ARHGAP45: variants seen among roughly 807,000 people sequenced by gnomAD.
The protein encoded by ARHGAP45 is Rho GTPase activating protein 45.
In ARHGAP45, 56 loss-of-function variants were observed where a neutral mutation model predicts 116.1. The ratio of observed to expected loss-of-function variants is 0.48; its 90% confidence interval spans 0.39 to 0.60. The LOEUF is 0.60. ARHGAP45 is among the 20% of genes least tolerant of loss of function. ARHGAP45 has a pLI of 0.00. For synonymous variants in ARHGAP45, 866 were observed against 701.7 expected, an observed-to-expected ratio of 1.23 and a Z score of -3.70; for missense variants, 1,622 against 1,601.0, an observed-to-expected ratio of 1.01 and a Z score of -0.22.
upstream of ARHGAP45, chr19:1,066,268 T>C: frequency 1.4e-6 from 1 of 701,890 alleles, no homozygotes; most frequent in Non-Finnish European, 2.1e-6. Context: ...GGGGAGAGAG[T>C]TCACACTGCG....
chr19:1,082,035 C>T, intron 19 of ARHGAP45, 74 bp downstream of exon 19: 1 of 1,461,666 alleles, frequency 6.8e-7, no homozygotes, highest in Admixed American at 1.9e-5. Context: ...GGGTGGGGGT[C>T]CGGGAGCTGG....
At chr19:1,079,564 C>T in intron 11 of ARHGAP45, 139 bp from the exon 12 acceptor site, 2 of 1,042,506 alleles carry the variant, frequency 1.9e-6, no homozygotes, top group Non-Finnish European at 2.8e-6. Context: ...GTCTCGAACT[C>T]CTGGCCTCAA....
chr19:1,082,655 C>T, intron 19 of ARHGAP45, 185 bp from the exon 20 acceptor site: 3 of 565,820 alleles, frequency 5.3e-6, no homozygotes, highest in East Asian at 6.3e-5. Flanking sequence ...GGGCGTGGCC[C>T]GGGTAGGAGG....
intron 10 of ARHGAP45, among the ~76,000 whole-genome samples, chr19:1,075,506 A>C (rs2043228779): frequency 6.6e-6 from 1 of 151,760 alleles, no homozygotes; most frequent in Non-Finnish European, 1.5e-5. Context: ...CGGCCTCCCA[A>C]AGTGCTGAGA....
rs1471520386 is a variant in ARHGAP45, at chr19:1,079,938, C to T, written c.1523C>T (p.Ser508Phe). The T allele has an allele frequency of 1.2e-6, 2 of 1,610,960 alleles. No homozygotes were observed. The highest frequency in any genetic ancestry group is 1.1e-5 in the South Asian group (1 of 91,044). Residue 508 changes from serine (S) to phenylalanine (F), a missense_variant, in exon 13 of 23, where the codon TCC becomes TTC. This residue lies in a region of ARHGAP45 where 1,334 missense variants were observed against 1,263.8 expected (regional missense o/e 1.06). Transcript: ENST00000313093. ...CGGTGCCGCCCGCAGGCCACGATCT[C>T]CTACTACCAGATGATGCATATGCAG... ...SDQTIKSATI[S>F]YYQMMHMQTA...
chr19:1,066,247 A>C, upstream of ARHGAP45: 1 of 861,684 alleles, frequency 1.2e-6, no homozygotes, highest in Non-Finnish European at 1.6e-6. Flanking sequence ...CAGCAGGGAG[A>C]CTTGGGGAGG....
At chr19:1,080,817 A>C in intron 16 of ARHGAP45, 31 bp downstream of exon 16, 1 of 1,611,320 alleles carries the variant, frequency 6.2e-7, no homozygotes, top group Non-Finnish European at 8.5e-7. Context: ...CTGGAGAGAG[A>C]GGGGGGTTTG....
chr19:1,077,948 C>T lies in ARHGAP45; in HGVS notation c.1277C>T (p.Ala426Val), dbSNP rs75236288. 2.2e-3 allele frequency: 3,474 copies of T among 1,553,736 alleles called. 63 individuals carry two copies. The African/African-American group carries it at 0.041, about 18-fold the overall frequency. ...HDKARFLVAK[A>V]EEEQAGSAPG... is the part of the protein sequence containing the mutation. ...AAGGCTCGCTTCCTCGTGGCCAAGG[C>T]GGAGGAGGAGCAGGCTGGCAGCGCG... The change falls in exon 11 of 23, where the codon GCG (alanine) becomes GTG (valine). Residue 426 changes from alanine (A) to valine (V), a missense_variant. Ala to Val is a moderately conservative substitution (Grantham distance 64). Transcript: ENST00000313093.
rs748662813 is a variant in ARHGAP45, at chr19:1,067,392, G to A, written c.-14G>A. The A allele has an allele frequency of 6.4e-7, 1 of 1,558,084 alleles. No homozygotes were observed. The highest frequency in any genetic ancestry group is 1.2e-5 in the South Asian group (1 of 84,062). ...CCCAGCCCGCCCCCTCGGGCTCCCG[G>A]CCGGGGCCCCATCATGTTCTCCAGG... On this transcript the variant is annotated 5_prime_UTR_variant, in exon 1 of 23. Coordinates refer to ENST00000313093, the MANE Select transcript of ARHGAP45 (RefSeq NM_012292.5).
Position 1,085,918 on chromosome 19 carries a change from T to C in ARHGAP45, c.3323T>C (p.Val1108Ala). Residue 1108 changes from valine (V) to alanine (A), a missense_variant, in exon 23 of 23, where the codon GTG (valine) becomes GCG (alanine). Physicochemically the swap from Val to Ala is moderately conservative, Grantham distance 64 (BLOSUM62 0). Transcript: ENST00000313093. ...SGFNTNQSNN[V>A]LQAPLPPMRL... The stretch of plus-strand genomic sequence containing the variant: ...TTCAACACCAACCAGTCCAACAACG[T>C]GCTGCAGGCCCCACTGCCCCCCATG... 6.2e-7 allele frequency: 1 copy of C among 1,612,844 alleles called. No homozygotes were observed. Among genetic ancestry groups the C allele is most frequent in the South Asian group, 1.1e-5 (1 of 91,086 alleles).
intron 22 of ARHGAP45, among the ~76,000 whole-genome samples, chr19:1,085,061 AAG>A (rs1242502594): frequency 6.6e-6 from 1 of 152,140 alleles, no homozygotes; most frequent in Non-Finnish European, 1.5e-5. Context: ...CAGCCCGGGC[AAG>A]AGAGAGAGAC....
chr19:1,073,257 T>C lies in ARHGAP45; in HGVS notation c.530T>C (p.Leu177Pro). 6.2e-7 allele frequency: 1 copy of C among 1,613,682 alleles called. No homozygotes were observed. The highest frequency in any genetic ancestry group is 8.5e-7 in the Non-Finnish European group (1 of 1,180,006). ...KYPLLNTVET[L>P]TAAGTLIAKV... ...CCGCTGCTGAACACCGTGGAGACGC[T>C]CACCGCAGCCGGCACCCTCATTGCC... Residue 177 changes from leucine to proline, a missense_variant, in exon 3 of 23, where the codon CTC (leucine) becomes CCC (proline). By Grantham distance (98) the Leu-to-Pro change is moderately conservative. Transcript: ENST00000313093.
chr19:1,084,339 G>A lies in ARHGAP45; in HGVS notation c.3057G>A (p.Gly1019=). 6.2e-7 allele frequency: 1 copy of A among 1,608,260 alleles called. No individual in the cohort carries two copies. Among genetic ancestry groups the A allele is most frequent in the Non-Finnish European group, 8.5e-7 (1 of 1,177,828 alleles). The part of the protein sequence containing the change: ...VYPLQEAAAD[G]CRESRVVSND... The stretch of plus-strand genomic sequence containing the variant: ...CGCTGCAGGAGGCGGCGGCGGACGG[G>A]TGCAGAGGTGAGTGTGTGGCTGCCC... The change falls in exon 22 of 23, where the codon GGG becomes GGA. Residue 1019 remains glycine (G), a synonymous_variant. Coordinates refer to ENST00000313093, the MANE Select transcript of ARHGAP45 (RefSeq NM_012292.5).
At position 1,080,569 on chromosome 19, in the gene ARHGAP45, G is replaced by T. The variant is rs1050399804; in HGVS notation, c.1912+22G>T. The T allele has an allele frequency of 2.5e-6, 4 of 1,611,456 alleles. No individual in the cohort carries two copies. In the African/African-American group the frequency reaches 5.3e-5, roughly 21 times the overall value. On this transcript the variant is annotated intron_variant, in intron 15 of 22. Transcript: ENST00000313093. ...GCAGGTGAGGGAGGCTCTCTGGCGG[G>T]CTGGGGTGTGGAGCTGCCTCCTCTC...
At position 1,082,843 on chromosome 19, in the gene ARHGAP45, C is replaced by T. The variant is rs562294133; in HGVS notation, c.2521C>T (p.Pro841Ser). The T allele has an allele frequency of 9.3e-5, 139 of 1,500,976 alleles. No individual in the cohort carries two copies. The highest frequency in any genetic ancestry group is 3.5e-4 in the African/African-American group (25 of 72,212). The allele number at this position is 1,500,976 out of a possible 1,614,324, so 93.0% of individuals were successfully genotyped here. A position where few individuals can be genotyped will look rare whatever the true frequency, so the allele number is the denominator to read the frequency against. ...NVLKLYLRQL[P>S]EPLISFRLYH... The stretch of plus-strand genomic sequence containing the variant: ...GCTGACCCTTGACTCTGCGCAGCTT[C>T]CCGAGCCGCTCATCTCCTTCCGCCT... Residue 841 changes from proline (P) to serine (S), a missense_variant, in exon 20 of 23, where the codon CCC becomes TCC. By Grantham distance (74) the Pro-to-Ser change is moderately conservative (BLOSUM62 -1). Transcript: ENST00000313093.
At chr19:1,082,697 C>A in intron 19 of ARHGAP45, 143 bp from the exon 20 acceptor site, 1 of 685,208 alleles carries the variant, frequency 1.5e-6, no homozygotes, top group Non-Finnish European at 2.3e-6. Context: ...GGAAAGGGGA[C>A]TGACGCCGCT....
rs1011361263 is a variant in ARHGAP45 at position 1,077,487 on chromosome 19, G to A, written c.1186-370G>A. Reference sequence around the variant, plus strand: ...CGCCTCCTGGGTTCAAGCTGTTCGCGATTCTAGTGCCTCAGCCTCCCGAGT... The same window carrying A: ...CGCCTCCTGGGTTCAAGCTGTTCGCAATTCTAGTGCCTCAGCCTCCCGAGT... On this transcript the variant is annotated intron_variant, in intron 10 of 22. Coordinates refer to ENST00000313093, the MANE Select transcript of ARHGAP45 (RefSeq NM_012292.5). 2.8e-5 allele frequency: 28 copies of A among 982,886 alleles called. No homozygotes were observed. The South Asian group carries it at 3.4e-4, about 12-fold the overall frequency. The allele number at this position is 982,886 out of a possible 1,614,324, so 60.9% of individuals were successfully genotyped here. A position where few individuals can be genotyped will look rare whatever the true frequency, so the allele number is the denominator to read the frequency against.
chr19:1,084,201 C>G (rs762595649), intron 21 of ARHGAP45, 37 bp from the exon 22 acceptor site: 4 of 1,567,354 alleles, frequency 2.6e-6, no homozygotes, highest in Non-Finnish European at 3.5e-6. Flanking sequence ...GAAAATGGAG[C>G]CCCGGCCCCT....
intron 17 of ARHGAP45, chr19:1,081,345 A>T: frequency 1.5e-6 from 1 of 659,188 alleles, no homozygotes; most frequent in Non-Finnish European, 2.5e-6. Flanking sequence ...CTGTGTCCAG[A>T]AAACCAAGGG....
Sources: gnomAD v4.1 joint callset for allele counts (sites outside exome capture counted in the v4.1 genomes callset) on GRCh38, gnomAD v4.1.1 for gene constraint, gnomAD v4.1.1 regional missense constraint, MANE v1.5 for transcripts, NCBI Gene and HGNC (gene_info 2026-07-23, HGNC 2026-07-21) for gene names.